Variants in NCAPG2 observed in about 807,000 individuals in gnomAD.
The protein encoded by NCAPG2 is non-SMC condensin II complex subunit G2.
Under a neutral mutation model 141.1 loss-of-function variants are expected in NCAPG2, and 53 were observed. The observed-to-expected ratio is 0.38, with a 90% confidence interval of 0.30 to 0.47. The LOEUF (loss-of-function observed/expected upper bound fraction) is 0.47. Among genes scored for constraint, NCAPG2 ranks in the 20% least tolerant of loss-of-function variants. NCAPG2 has a pLI of 0.99. For synonymous variants in NCAPG2, 499 were observed against 490.7 expected (o/e 1.02, Z -0.22); for missense variants, 1,087 against 1,389.0 (o/e 0.78, Z 3.46).
In NCAPG2 at chr7:158,662,367, C is replaced by A; in HGVS notation, c.1816G>T (p.Val606Phe). 1 of 1,543,802 alleles carries A rather than the reference C, an allele frequency of 6.5e-7. No homozygotes were observed. The highest frequency in any genetic ancestry group is 2.2e-5 in the Admixed American group (1 of 46,178). Residue 606 changes from valine to phenylalanine, a missense_variant and splice_region_variant, in exon 16 of 28, where the codon GTT becomes TTT. Physicochemically the swap from Val to Phe is conservative, Grantham distance 50. Transcript: ENST00000356309. ...EDGREKENVTVLDKTLSVNDV... is the reference protein window; with the variant it reads ...EDGREKENVTFLDKTLSVNDV... Reference sequence around the variant, plus strand: ...TTTACTGACAGTGTTTTGTCCAGAACCTAAGATAAAAATAATTTTATTGTG... The same window carrying A: ...TTTACTGACAGTGTTTTGTCCAGAAACTAAGATAAAAATAATTTTATTGTG...
In NCAPG2 at chr7:158,631,315, T is replaced by C. The variant is rs545496028; in HGVS notation, c.*351A>G. Reference sequence around the variant, plus strand: ...ATACTTTCAAATAAACAAATGGATGTTGTCATTGCTTTATTACTCATAGTT... The same window carrying C: ...ATACTTTCAAATAAACAAATGGATGCTGTCATTGCTTTATTACTCATAGTT... On this transcript the variant is annotated 3_prime_UTR_variant, in exon 28 of 28. Coordinates refer to ENST00000356309, the MANE Select transcript of NCAPG2 (RefSeq NM_017760.7). 3.6e-5 allele frequency: 9 copies of C among 250,984 alleles called. No individual in the cohort carries two copies. In the South Asian group the frequency reaches 4.7e-4, roughly 13 times the overall value. 15.5% of individuals were successfully genotyped at this position (250,984 alleles called of 1,614,324 possible).
At chr7:158,679,121 G>T (rs112423193) in intron 11 of NCAPG2, among the ~76,000 whole-genome samples, 2 of 152,158 alleles carry the variant, frequency 1.3e-5, no homozygotes, top group African/African-American at 4.8e-5. Context: ...CTCCCACAGC[G>T]CTGGGATTAC....
At chr7:158,634,553 G>A (rs112962431) in intron 27 of NCAPG2, among the ~76,000 whole-genome samples, 6,066 of 152,246 alleles carry the variant, frequency 0.04, 174 homozygotes, top group Middle Eastern at 0.1. Flanking sequence ...AGGGCCAAGT[G>A]TTCTCATTTA....
rs1831771124 is a variant in NCAPG2, at chr7:158,654,714, C to G, written c.2647-20G>C. 13 of 1,602,392 alleles carry G rather than the reference C, an allele frequency of 8.1e-6. No individual in the cohort carries two copies. The highest frequency in any genetic ancestry group is 1.0e-5 in the Non-Finnish European group (12 of 1,175,472). On this transcript the variant is annotated intron_variant, in intron 21 of 27. Transcript: ENST00000356309. ...GTAGGTCTGTAAGAGACAGACACAG[C>G]TTAGCAACAAAGGCCATTTTTAAAA...
intron 4 of NCAPG2, among the ~76,000 whole-genome samples, chr7:158,691,431 G>A (rs899653198): frequency 2.6e-5 from 4 of 152,114 alleles, no homozygotes; most frequent in Non-Finnish European, 5.9e-5. Context: ...TATGATTGGG[G>A]TGACTTTTTA....
At chr7:158,641,219 AG>A (rs1344545429) in intron 27 of NCAPG2, 3 of 324,692 alleles carry the variant, frequency 9.2e-6, no homozygotes, top group Non-Finnish European at 1.7e-5. Context: ...AGTGGAAGAC[AG>A]AAATAGGAAC....
chr7:158,683,503 GA>G (rs147429286), intron 8 of NCAPG2, 117 bp from the exon 9 acceptor site: 1 of 560,100 alleles, frequency 1.8e-6, no homozygotes, highest in Non-Finnish European at 2.9e-6. Context: ...TATTTCATGA[GA>G]AAAAAACCTG....
intron 12 of NCAPG2, among the ~76,000 whole-genome samples, chr7:158,673,098 C>T (rs895346549): frequency 2.0e-5 from 3 of 152,126 alleles, no homozygotes; most frequent in African/African-American, 7.2e-5. Flanking sequence ...ATGACAGCAA[C>T]AGGAAGGAGC....
chr7:158,691,771 A>G (rs1261793982), intron 4 of NCAPG2, among the ~76,000 whole-genome samples: 2 of 152,202 alleles, frequency 1.3e-5, no homozygotes, highest in South Asian at 2.1e-4. Flanking sequence ...CTCCCCTAGG[A>G]GTCAATAATC....
Position 158,701,895 on chromosome 7 carries a change from T to C in NCAPG2, c.5A>G (p.Glu2Gly), listed in dbSNP as rs538725335. The change falls in exon 2 of 28, where the codon GAA becomes GGA. Residue 2 changes from glutamate (E) to glycine (G), a missense_variant. Coordinates refer to ENST00000356309, the MANE Select transcript of NCAPG2 (RefSeq NM_017760.7). ...GGCTTGTACAAACGTCTCACGTTTT[T>C]CCATGACAGATGGCACTGTTCAAAT... Reference protein sequence around the residue: MEKRETFVQAVS... With the variant: MGKRETFVQAVS... 3 of 1,613,190 alleles carry C rather than the reference T, an allele frequency of 1.9e-6. No homozygotes were observed. The African/African-American group carries it at 4.0e-5, about 22-fold the overall frequency.
At chr7:158,647,110 GTCTT>G (rs1394129366) in intron 24 of NCAPG2, among the ~76,000 whole-genome samples, 3 of 152,026 alleles carry the variant, frequency 2.0e-5, no homozygotes, top group Non-Finnish European at 4.4e-5. Context: ...TACTCAATAA[GTCTT>G]TCATCAAAAA....
intron 13 of NCAPG2, chr7:158,667,165 G>C (rs1485318532): frequency 1.0e-6 from 1 of 985,302 alleles, no homozygotes; most frequent in African/African-American, 1.7e-5. Flanking sequence ...CCAAATGGCT[G>C]TCTGCCTTGC....
chr7:158,640,101 T>C (rs1830542812), intron 27 of NCAPG2: 1 of 148,344 alleles, frequency 6.7e-6, no homozygotes, highest in African/African-American at 2.5e-5. Context: ...GCATATCATA[T>C]TCAACCTACA....
At position 158,662,314 on chromosome 7, in the gene NCAPG2, T is replaced by C. The variant is rs752011314; in HGVS notation, c.1869A>G (p.Leu623=). 2 of 1,608,728 alleles carry C rather than the reference T, an allele frequency of 1.2e-6. No individual in the cohort carries two copies. The highest frequency in any genetic ancestry group is 1.7e-6 in the Non-Finnish European group (2 of 1,177,842). ...TTTTCCAGAGAATCACAATGATTTC[T>C]AGTAAACCTGCCATGCATGCAACAT... is the stretch of plus-strand genomic sequence containing the variant. ...VNDVACMAGL[L]EIIVILWKSI... Residue 623 remains leucine (L), a synonymous_variant, in exon 16 of 28, where the codon CTA becomes CTG. Coordinates refer to ENST00000356309, the MANE Select transcript of NCAPG2 (RefSeq NM_017760.7).
chr7:158,687,648 C>T (rs959807713), intron 6 of NCAPG2, among the ~76,000 whole-genome samples: 9 of 152,202 alleles, frequency 5.9e-5, no homozygotes, highest in Non-Finnish European at 1.5e-5. Flanking sequence ...CCCCCAGGGC[C>T]GAGCAGCCGC....
rs1830009292 is a variant in NCAPG2 at position 158,633,451 on chromosome 7, G to T, written c.3381-1734C>A. On this transcript the variant is annotated intron_variant, in intron 27 of 27. Coordinates refer to ENST00000356309, the MANE Select transcript of NCAPG2 (RefSeq NM_017760.7). This position sits in a 1 kb window ranked among gnomAD's most constrained non-coding sequence, Gnocchi z 4.1. ...GGCCACCCTCTGTGTGGTTATTTCTGCCTGTGTTGAACCAGGGGTGAGGGC... is the reference window on the plus strand; with the variant it reads ...GGCCACCCTCTGTGTGGTTATTTCTTCCTGTGTTGAACCAGGGGTGAGGGC... 6.6e-6 allele frequency among the ~76,000 whole-genome samples: 1 copy of T among 152,226 alleles called. No individual in the cohort carries two copies. Among genetic ancestry groups the T allele is most frequent in the Admixed American group, 6.5e-5 (1 of 15,286 alleles).
At chr7:158,664,379 A>G in intron 14 of NCAPG2, 83 bp from the exon 15 acceptor site, 1 of 1,512,940 alleles carries the variant, frequency 6.6e-7, no homozygotes. Context: ...TATAATCCCA[A>G]TTAGTCAAAA....
chr7:158,663,522 A>G (rs756614964), intron 15 of NCAPG2, among the ~76,000 whole-genome samples: 15 of 152,242 alleles, frequency 9.9e-5, no homozygotes, highest in Admixed American at 7.9e-4. Flanking sequence ...TGGGTGAGCC[A>G]TCTGCTGCCC....
At chr7:158,669,487 G>A (rs1483424828) in intron 13 of NCAPG2, among the ~76,000 whole-genome samples, 1 of 152,026 alleles carries the variant, frequency 6.6e-6, no homozygotes, top group Non-Finnish European at 1.5e-5. Context: ...GCTTGGCCGG[G>A]CGCAGTGGCT....
Sources: gnomAD v4.1 joint callset for allele counts (sites outside exome capture counted in the v4.1 genomes callset) on GRCh38, gnomAD v4.1.1 for gene constraint, Gnocchi (gnomAD v3.1) non-coding constraint, MANE v1.5 for transcripts, NCBI Gene and HGNC (gene_info 2026-07-23, HGNC 2026-07-21) for gene names.